CALN1: variants seen among roughly 807,000 people sequenced by gnomAD.
CALN1 encodes calneuron 1.
In CALN1, 17 loss-of-function variants were observed where a neutral mutation model predicts 30.6. The ratio of observed to expected loss-of-function variants is 0.56; its 90% CI spans 0.38 to 0.83. CALN1 has a LOEUF of 0.83. Ranked by LOEUF, CALN1 falls within the 40% of genes least tolerant of loss-of-function variation. CALN1 has a pLI of 0.00. For missense variants in CALN1, 291 were observed against 354.9 expected, an observed-to-expected ratio of 0.82 and a Z score of 1.45; for synonymous variants, 156 against 131.4, an observed-to-expected ratio of 1.19 and a Z score of -1.28.
chr7:71,878,664 T>C (rs959254755), intron 5 of CALN1, among the ~76,000 whole-genome samples: 3 of 151,914 alleles, frequency 2.0e-5, no homozygotes, highest in Admixed American at 2.0e-4. Flanking sequence ...CAATGTAGAG[T>C]GTGGGAGGTC....
intron 4 of CALN1, among the ~76,000 whole-genome samples, chr7:72,039,918 C>T (rs1274728814): frequency 6.6e-6 from 1 of 152,142 alleles, no homozygotes. Flanking sequence ...CCCTCTCCTG[C>T]TCTGCTTGGT....
At chr7:72,312,990 A>T (rs531192051) in intron 2 of CALN1, among the ~76,000 whole-genome samples, 1 of 152,216 alleles carries the variant, frequency 6.6e-6, no homozygotes, top group African/African-American at 2.4e-5. Context: ...ATATGCCACC[A>T]TACCCGGCTA....
chr7:72,080,336 G>T (rs545650585), intron 4 of CALN1, among the ~76,000 whole-genome samples: 1 of 152,212 alleles, frequency 6.6e-6, no homozygotes, highest in East Asian at 1.9e-4. Flanking sequence ...TCCTCACTCC[G>T]TGCCCTTGCA....
chr7:72,397,019 T>TCCC (rs929345993), intron 2 of CALN1, among the ~76,000 whole-genome samples: 2 of 151,648 alleles, frequency 1.3e-5, no homozygotes, highest in African/African-American at 4.8e-5. Context: ...CAAGCAATCC[T>TCCC]CCCCCCTCAG....
At chr7:71,998,247 A>T (rs1799350800) in intron 5 of CALN1, among the ~76,000 whole-genome samples, 1 of 152,166 alleles carries the variant, frequency 6.6e-6, no homozygotes, top group Non-Finnish European at 1.5e-5. Flanking sequence ...AACTGCCCTA[A>T]AAGAAGTTCT....
At chr7:72,154,099 G>A (rs17144357) in intron 3 of CALN1, among the ~76,000 whole-genome samples, 23,315 of 151,948 alleles carry the variant, frequency 0.15, 2,229 homozygotes, top group Admixed American at 0.24. Context: ...CCTTTTACCA[G>A]GAAAGCCTCA....
intron 6 of CALN1, among the ~76,000 whole-genome samples, chr7:71,788,478 GTTTT>G (rs71092906): frequency 1.4e-5 from 2 of 141,788 alleles, no homozygotes; most frequent in Admixed American, 1.4e-4. Flanking sequence ...TTACTAAGAG[GTTTT>G]TTTTTGTTGT....
At chr7:72,348,889 C>G (rs754206119) in intron 2 of CALN1, among the ~76,000 whole-genome samples, 5 of 152,156 alleles carry the variant, frequency 3.3e-5, no homozygotes, top group Non-Finnish European at 7.3e-5. Flanking sequence ...CAACATAACA[C>G]CCACAGTGTC....
Position 71,954,102 on chromosome 7 carries a change from T to C in CALN1, c.501+69555A>G, listed in dbSNP as rs562577947. Among the ~76,000 whole-genome samples the C allele has an allele frequency of 2.0e-5, 3 of 151,916 alleles. No homozygotes were observed. In the South Asian group the frequency reaches 6.2e-4, roughly 32 times the overall value. On this transcript the variant is annotated intron_variant, in intron 5 of 6. Coordinates refer to ENST00000395275, the MANE Select transcript of CALN1 (RefSeq NM_031468.4). ...ACTTTGGGAGGCTGAGGCAGGAGGA[T>C]TGCTTGAGGCTAGGAATTTGAGGCC... is the stretch of plus-strand genomic sequence containing the variant.
chr7:72,404,196 G>A (rs1057160224), intron 1 of CALN1, among the ~76,000 whole-genome samples: 7 of 152,056 alleles, frequency 4.6e-5, no homozygotes, highest in Admixed American at 1.3e-4. Flanking sequence ...GGCACCCCTC[G>A]TCTCTGCCTA....
chr7:72,063,830 A>G (rs1289785939), intron 4 of CALN1, among the ~76,000 whole-genome samples: 1 of 152,136 alleles, frequency 6.6e-6, no homozygotes, highest in Non-Finnish European at 1.5e-5. Context: ...AGTATAATAC[A>G]AATATTCTCA....
At chr7:72,166,572 C>T (rs1239303060) in intron 3 of CALN1, among the ~76,000 whole-genome samples, 1 of 152,212 alleles carries the variant, frequency 6.6e-6, no homozygotes, top group Non-Finnish European at 1.5e-5. Flanking sequence ...CTACAAAATG[C>T]ATTCCTAATT....
chr7:72,391,057 C>T (rs1421173131), intron 2 of CALN1, among the ~76,000 whole-genome samples: 2 of 152,124 alleles, frequency 1.3e-5, no homozygotes, highest in East Asian at 1.9e-4. Context: ...CCCAAGCCTT[C>T]GGTAAAATCT....
chr7:71,787,617 C>A lies in CALN1; in HGVS notation c.*158G>T. 1 of 973,596 alleles carries A rather than the reference C, an allele frequency of 1.0e-6. No homozygotes were observed. The highest frequency in any genetic ancestry group is 1.9e-5 in the South Asian group (1 of 53,458). 60.3% of individuals were successfully genotyped at this position (973,596 alleles called of 1,614,324 possible). ...CAAGGAGATGAAGCTGAAGTGCAACCCCAGTTGCACTCAACCTTGGGTTCT... is the reference window on the plus strand; with the variant it reads ...CAAGGAGATGAAGCTGAAGTGCAACACCAGTTGCACTCAACCTTGGGTTCT... On this transcript the variant is annotated 3_prime_UTR_variant, in exon 7 of 7. Coordinates refer to ENST00000395275, the MANE Select transcript of CALN1 (RefSeq NM_031468.4).
intron 5 of CALN1, among the ~76,000 whole-genome samples, chr7:72,020,207 T>A (rs191407448): frequency 6.6e-6 from 1 of 152,242 alleles, no homozygotes; most frequent in African/African-American, 2.4e-5. Flanking sequence ...TACAGGTGCA[T>A]AACACCATGC....
intron 5 of CALN1, among the ~76,000 whole-genome samples, chr7:72,007,226 A>G (rs569779231): frequency 1.6e-4 from 25 of 152,328 alleles, no homozygotes; most frequent in African/African-American, 5.8e-4. Context: ...CGGGGAACAT[A>G]AGTAGAAGTG....
At chr7:72,448,539 A>C (rs1050899613), upstream of CALN1, among the ~76,000 whole-genome samples, 1 of 151,832 alleles carries the variant, frequency 6.6e-6, no homozygotes, top group African/African-American at 2.4e-5. Context: ...AGCTCATTGC[A>C]CTTGGCATCC....
At chr7:72,047,557 G>A (rs767729771) in intron 4 of CALN1, among the ~76,000 whole-genome samples, 11 of 152,130 alleles carry the variant, frequency 7.2e-5, no homozygotes, top group Admixed American at 3.3e-4. Flanking sequence ...CCACTGCACC[G>A]CAGTCAGAGT....
chr7:72,485,735 G>T, the CALN1 span, among the ~76,000 whole-genome samples: 1 of 152,148 alleles, frequency 6.6e-6, no homozygotes, highest in Non-Finnish European at 1.5e-5. Context: ...GCCGGGTGTG[G>T]TGGCATGCAC....
Sources: gnomAD v4.1 joint callset for allele counts (sites outside exome capture counted in the v4.1 genomes callset) on GRCh38, gnomAD v4.1.1 for gene constraint, MANE v1.5 for transcripts, NCBI Gene and HGNC (gene_info 2026-07-23, HGNC 2026-07-21) for gene names.